The following UNC79 variants were observed in gnomAD, a reference collection of about 807,000 sequenced individuals.
The protein encoded by UNC79 is unc-79 subunit of NALCN channel complex, also known as protein unc-79 homolog.
UNC79 carries 37 observed loss-of-function variants against 283.1 expected under a neutral mutation model. That is an observed-to-expected ratio of 0.13 (90% CI 0.10 to 0.17). UNC79 has a LOEUF of 0.17. UNC79 is among the 10% of genes least tolerant of loss of function. UNC79 has a pLI of 1.00. For synonymous variants in UNC79, 1,107 were observed against 1,200.2 expected (o/e 0.92, Z 1.61); for missense variants, 2,272 against 3,211.1 (o/e 0.71, Z 7.07).
chr14:93,412,824 T>G (rs2055362262), intron 1 of UNC79, among the ~76,000 whole-genome samples: 1 of 152,022 alleles, frequency 6.6e-6, no homozygotes, highest in Admixed American at 6.6e-5. Flanking sequence ...GAGAAATACC[T>G]TCCCAGACAA....
In UNC79 at chr14:93,417,427, C is replaced by T. The variant is rs927879803; in HGVS notation, c.-350-50244C>T. Among the ~76,000 whole-genome samples, 63 of 152,154 alleles carry T rather than the reference C, an allele frequency of 4.1e-4. No individual in the cohort carries two copies. The East Asian group carries it at 5.2e-3, about 13-fold the overall frequency. On this transcript the variant is annotated intron_variant, in intron 1 of 49. Transcript: ENST00000256339. ...GATGGGCTTCCCTTTGTGGGTAACCCGACCTTTCTCTCTGGCTGCCCTTAA... is the reference window on the plus strand; with the variant it reads ...GATGGGCTTCCCTTTGTGGGTAACCTGACCTTTCTCTCTGGCTGCCCTTAA...
At chr14:93,456,662 C>A (rs2056804634) in intron 1 of UNC79, among the ~76,000 whole-genome samples, 1 of 152,164 alleles carries the variant, frequency 6.6e-6, no homozygotes, top group Non-Finnish European at 1.5e-5. Flanking sequence ...CACTTTCCTG[C>A]ACCCAGAGGT....
In UNC79 at chr14:93,618,177, C is replaced by T. The variant is rs531505832; in HGVS notation, c.4225-15C>T. The T allele has an allele frequency of 2.1e-5, 34 of 1,598,066 alleles. No homozygotes were observed. The highest frequency in any genetic ancestry group is 1.1e-4 in the Admixed American group (6 of 56,722). Reference sequence around the variant, plus strand: ...AATAACCATTTATCTTTTTCTCTCTCGTTTCATTGGGCAGTATCCATACCG... The same window carrying T: ...AATAACCATTTATCTTTTTCTCTCTTGTTTCATTGGGCAGTATCCATACCG... On this transcript the variant is annotated splice_polypyrimidine_tract_variant and intron_variant, in intron 28 of 48. Coordinates refer to ENST00000555664, the Ensembl canonical transcript of UNC79.
chr14:93,469,737 G>A (rs1015890396), intron 2 of UNC79, among the ~76,000 whole-genome samples: 1 of 152,104 alleles, frequency 6.6e-6, no homozygotes, highest in African/African-American at 2.4e-5. Flanking sequence ...TTAACAATTA[G>A]CCAGGTGTGG....
intron 1 of UNC79, among the ~76,000 whole-genome samples, chr14:93,409,230 A>G (rs1350586516): frequency 1.3e-5 from 2 of 152,228 alleles, no homozygotes; most frequent in South Asian, 2.1e-4. Context: ...TAGATATAAG[A>G]TCAACCTAAA....
intron 1 of UNC79, among the ~76,000 whole-genome samples, chr14:93,406,623 T>C (rs2055232035): frequency 6.6e-6 from 1 of 152,042 alleles, no homozygotes; most frequent in Non-Finnish European, 1.5e-5. Flanking sequence ...AATCTAATAA[T>C]ATAATACATC....
chr14:93,431,680 T>C (rs2055884373), intron 1 of UNC79, among the ~76,000 whole-genome samples: 1 of 152,214 alleles, frequency 6.6e-6, no homozygotes, highest in Non-Finnish European at 1.5e-5. Context: ...AATGACCTAA[T>C]TGATCTAATT....
intron 48 of UNC79, among the ~76,000 whole-genome samples, chr14:93,706,169 A>T (rs1006891861): frequency 3.9e-5 from 6 of 152,210 alleles, no homozygotes; most frequent in Admixed American, 1.3e-4. Flanking sequence ...AGAAGCTATC[A>T]TCCTAGCTTC....
intron 5 of UNC79, among the ~76,000 whole-genome samples, chr14:93,493,301 C>T (rs2058828405): frequency 6.6e-6 from 1 of 152,048 alleles, no homozygotes; most frequent in Non-Finnish European, 1.5e-5. Context: ...CCTGGTGTGA[C>T]ACTAGACTTA....
At chr14:93,632,556 C>T (rs1347142735) in intron 31 of UNC79, among the ~76,000 whole-genome samples, 1 of 151,856 alleles carries the variant, frequency 6.6e-6, no homozygotes, top group Non-Finnish European at 1.5e-5. Context: ...AAAAATTAGC[C>T]AGGCGTGGTG....
rs2053856518 is a variant in UNC79 at position 93,347,119 on chromosome 14, G to C, written c.-351+13596G>C. The C allele has an allele frequency of 3.8e-6, 3 of 798,506 alleles. No homozygotes were observed. In the African/African-American group the frequency reaches 5.4e-5, roughly 14 times the overall value. 49.5% of individuals were successfully genotyped at this position (798,506 alleles called of 1,614,324 possible). On this transcript the variant is annotated intron_variant, in intron 1 of 49. Coordinates refer to the UNC79 transcript ENST00000256339. ...GGGGCAGAGCAGGAGGTGCTGGGCA[G>C]AAGGGGTGGGGTAGGGGGCGAGGGC...
intron 30 of UNC79, among the ~76,000 whole-genome samples, chr14:93,626,138 G>A (rs1887193): frequency 0.73 from 110,917 of 152,158 alleles, 40,915 homozygotes; most frequent in African/African-American, 0.83. Context: ...CCTGACAATC[G>A]TAACATATTT....
chr14:93,617,987 T>A lies in UNC79; in HGVS notation c.4225-205T>A, dbSNP rs189833300. On this transcript the variant is annotated intron_variant, in intron 28 of 48. Transcript: ENST00000555664. This position sits in a 1 kb window ranked among gnomAD's most constrained non-coding sequence, Gnocchi z 4.5. ...GGCTGCTATGATCACGCCACAGCAC[T>A]CCAACCTGGGTGACAGAGTGAGACC... Among the ~76,000 whole-genome samples, 14 of 152,212 alleles carry A rather than the reference T, an allele frequency of 9.2e-5. No homozygotes were observed. In the East Asian group the frequency reaches 2.7e-3, roughly 29 times the overall value.
In UNC79 at chr14:93,526,608, A is replaced by G. The variant is rs372716462; in HGVS notation, c.964-1950A>G. ...GTCATATTTATAAACAAAAAAATCC[A>G]CTTATTCATGTGACACACAGATATG... On this transcript the variant is annotated intron_variant, in intron 8 of 48. Transcript: ENST00000555664. Among the ~76,000 whole-genome samples the G allele has an allele frequency of 5.3e-5, 8 of 152,164 alleles. No individual in the cohort carries two copies. The South Asian group carries it at 8.3e-4, about 16-fold the overall frequency.
At position 93,485,184 on chromosome 14, in the gene UNC79, A is replaced by ATGTATATATATG. The variant is rs554999053; in HGVS notation, c.620-2455_620-2444dup. Among the ~76,000 whole-genome samples, 29 of 149,536 alleles carry ATGTATATATATG rather than the reference A, an allele frequency of 1.9e-4. 1 individual carries two copies. Among genetic ancestry groups the ATGTATATATATG allele is most frequent in the African/African-American group, 6.6e-4 (27 of 40,702 alleles). ...CTTGTCCCAAAACAAGAATATATAT[A>ATGTATATATATG]TGTATATATATGTGTATATATATGT... On this transcript the variant is annotated intron_variant, in intron 4 of 48. Coordinates refer to ENST00000555664, the Ensembl canonical transcript of UNC79.
chr14:93,371,483 C>T (rs1326758864), intron 1 of UNC79, among the ~76,000 whole-genome samples: 3 of 151,916 alleles, frequency 2.0e-5, no homozygotes, highest in Middle Eastern at 3.4e-3. Context: ...TCAATGAAAA[C>T]GCAGAAAAAA....
chr14:93,506,698 T>C (rs752395523), intron 7 of UNC79, among the ~76,000 whole-genome samples: 34 of 152,234 alleles, frequency 2.2e-4, no homozygotes, highest in Non-Finnish European at 2.8e-4. Flanking sequence ...TGGCTTGATG[T>C]ATTTTGTCAC....
chr14:93,542,515 G>A (rs200477456), exon 14 of UNC79: 24 of 1,614,200 alleles, frequency 1.5e-5, no homozygotes, highest in East Asian at 4.5e-5. Context: ...AGCTTGGCCC[G>A]GCTGGTGGCC....
intron 1 of UNC79, among the ~76,000 whole-genome samples, chr14:93,368,557 G>A (rs928664747): frequency 3.3e-5 from 5 of 152,170 alleles, no homozygotes; most frequent in Admixed American, 1.3e-4. Flanking sequence ...ACTGCAACCT[G>A]TCTCCTGGGT....
Sources: allele counts gnomAD v4.1 joint callset (sites outside exome capture counted in the v4.1 genomes callset), GRCh38; gene constraint gnomAD v4.1.1; non-coding constraint Gnocchi (gnomAD v3.1); transcripts MANE v1.5; gene names NCBI Gene and HGNC (gene_info 2026-07-23, HGNC 2026-07-21).